Variants in MYLK4 observed in about 807,000 individuals in gnomAD.
MYLK4 encodes the protein caMLCK like.
MYLK4 carries 46 observed loss-of-function variants against 48.1 expected under a neutral mutation model. That is an observed-to-expected ratio of 0.96 (90% CI 0.75 to 1.22). MYLK4 has a LOEUF of 1.22. Ranked by LOEUF, MYLK4 falls within the 50% of genes most tolerant of loss-of-function variation. The pLI, the probability that MYLK4 is intolerant of heterozygous loss-of-function variation, is 0.00. For synonymous variants in MYLK4, 170 were observed against 180.8 expected, an observed-to-expected ratio of 0.94 and a Z score of 0.48; for missense variants, 451 against 486.1, an observed-to-expected ratio of 0.93 and a Z score of 0.68.
chr6:2,762,603 T>G, the MYLK4 span, among the ~76,000 whole-genome samples: 4 of 152,278 alleles, frequency 2.6e-5, no homozygotes, highest in Non-Finnish European at 5.9e-5. Context: ...AAACTTGTTT[T>G]GCAAGTATTC....
At chr6:2,759,775 CA>C in the MYLK4 span, among the ~76,000 whole-genome samples, 17 of 152,224 alleles carry the variant, frequency 1.1e-4, no homozygotes, top group African/African-American at 4.1e-4. Context: ...AGGGCAAAAA[CA>C]AAAATCATCA....
At chr6:2,687,946 A>G in intron 4 of MYLK4, among the ~76,000 whole-genome samples, 1 of 152,158 alleles carries the variant, frequency 6.6e-6, no homozygotes, top group Non-Finnish European at 1.5e-5. Flanking sequence ...GAGTTACAAG[A>G]TATCACGGGG....
At chr6:2,737,990 G>GGGGGGGGGGGGGGGGGGGGGGGGGGA (rs1561878095) in intron 2 of MYLK4, among the ~76,000 whole-genome samples, 1 of 28,556 alleles carries the variant, frequency 3.5e-5, no homozygotes, top group African/African-American at 1.6e-4. Context: ...GTGGGGGGGG[G>GGGGGGGGGGGGGGGGGGGGGGGGGGA]GTGGTCAATG....
intron 2 of MYLK4, among the ~76,000 whole-genome samples, chr6:2,721,117 C>T (rs1002446358): frequency 3.9e-5 from 6 of 152,074 alleles, no homozygotes; most frequent in Admixed American, 1.3e-4. Flanking sequence ...GCCAAGATCA[C>T]ACCACCGCAC....
intron 7 of MYLK4, 140 bp downstream of exon 7, chr6:2,682,881 G>C: frequency 1.1e-6 from 1 of 877,514 alleles, no homozygotes; most frequent in Admixed American, 2.2e-5. Context: ...AGAATAAGGA[G>C]ATGAGGGTAA....
intron 2 of MYLK4, among the ~76,000 whole-genome samples, chr6:2,738,643 C>T (rs906724441): frequency 2.0e-5 from 3 of 152,190 alleles, no homozygotes; most frequent in African/African-American, 7.2e-5. Context: ...AGAAAGTGGA[C>T]GTTTTCATCT....
intron 2 of MYLK4, among the ~76,000 whole-genome samples, chr6:2,700,995 G>A (rs1762261162): frequency 1.3e-5 from 2 of 152,198 alleles, no homozygotes; most frequent in Non-Finnish European, 2.9e-5. Flanking sequence ...CAAAAACTGT[G>A]CAGTGAGGCT....
chr6:2,698,660 G>A (rs1762160019), intron 2 of MYLK4, among the ~76,000 whole-genome samples: 1 of 152,076 alleles, frequency 6.6e-6, no homozygotes, highest in Non-Finnish European at 1.5e-5. Context: ...ATGGGGGAGA[G>A]AACAATAAAT....
At chr6:2,766,003 G>C in the MYLK4 span, 2 of 1,359,942 alleles carry the variant, frequency 1.5e-6, no homozygotes, top group Non-Finnish European at 1.9e-6. Context: ...CCGACTTCCC[G>C]GTGGCCCGCT....
chr6:2,764,709 G>GT, the MYLK4 span, among the ~76,000 whole-genome samples: 5 of 152,210 alleles, frequency 3.3e-5, no homozygotes, highest in Non-Finnish European at 7.3e-5. Context: ...GAAGGCTGGT[G>GT]TTTCCGATTT....
intron 2 of MYLK4, among the ~76,000 whole-genome samples, chr6:2,694,494 G>GTGGTGGTGGTGA (rs1561845773): frequency 5.5e-5 from 2 of 36,080 alleles, no homozygotes; most frequent in Non-Finnish European, 6.7e-5. Context: ...AGTGGTCATG[G>GTGGTGGTGGTGA]TGGTGGTGGT....
chr6:2,748,246 G>C (rs1764166675), intron 2 of MYLK4, among the ~76,000 whole-genome samples: 1 of 152,174 alleles, frequency 6.6e-6, no homozygotes, highest in Admixed American at 6.5e-5. Flanking sequence ...AACACTTTTG[G>C]TGCCTATTTG....
In MYLK4 at chr6:2,681,205, C is replaced by T. The variant is rs539229845; in HGVS notation, c.688-914G>A. ...AAATGCCCAGGATCCCGTTCCTCAG[C>T]CTTTAGTGGGATCAGGCTCCCCTCC... On this transcript the variant is annotated intron_variant, in intron 7 of 12. Coordinates refer to ENST00000274643, the MANE Select transcript of MYLK4 (RefSeq NM_001012418.5). Among the ~76,000 whole-genome samples the T allele has an allele frequency of 2.0e-5, 3 of 152,304 alleles. No homozygotes were observed. The East Asian group carries it at 5.8e-4, about 29-fold the overall frequency.
upstream of MYLK4, among the ~76,000 whole-genome samples, chr6:2,752,422 G>C (rs1268161045): frequency 1.3e-5 from 2 of 151,316 alleles, no homozygotes; most frequent in African/African-American, 2.4e-5. Context: ...CCCCTTTTCT[G>C]TTCCAGAATC....
chr6:2,705,118 A>G (rs1173821938), intron 2 of MYLK4, among the ~76,000 whole-genome samples: 1 of 152,226 alleles, frequency 6.6e-6, no homozygotes, highest in African/African-American at 2.4e-5. Context: ...TGTCTTTATA[A>G]CAGATCGCAG....
chr6:2,697,732 C>T (rs1265107410), intron 2 of MYLK4, among the ~76,000 whole-genome samples: 1 of 152,246 alleles, frequency 6.6e-6, no homozygotes, highest in African/African-American at 2.4e-5. Flanking sequence ...ATAAGGGCTG[C>T]TCCTCTGGAC....
At chr6:2,766,513 G>C in the MYLK4 span, 1 of 1,435,534 alleles carries the variant, frequency 7.0e-7, no homozygotes, top group Non-Finnish European at 9.2e-7. Context: ...TGGTCGGAGA[G>C]CCGGGTGTGC....
At chr6:2,675,955 G>T (rs967391980) in intron 10 of MYLK4, among the ~76,000 whole-genome samples, 2 of 152,028 alleles carry the variant, frequency 1.3e-5, no homozygotes, top group African/African-American at 4.8e-5. Flanking sequence ...AGCTGGGTGT[G>T]GTGGGGCACA....
At chr6:2,708,958 A>G (rs913742475) in intron 2 of MYLK4, among the ~76,000 whole-genome samples, 8 of 152,230 alleles carry the variant, frequency 5.3e-5, no homozygotes, top group African/African-American at 1.9e-4. Flanking sequence ...TGCCTTCTTC[A>G]GCATGATAAT....
Sources: allele counts gnomAD v4.1 joint callset (sites outside exome capture counted in the v4.1 genomes callset), GRCh38; gene constraint gnomAD v4.1.1; transcripts MANE v1.5; gene names NCBI Gene and HGNC (gene_info 2026-07-23, HGNC 2026-07-21).